The following VWA3B variants were observed in gnomAD, a reference collection of about 807,000 sequenced individuals.
The protein encoded by VWA3B is von Willebrand factor A domain-containing protein 3B.
In VWA3B, 138 loss-of-function variants were observed where a neutral mutation model predicts 158.3. That is an observed-to-expected ratio of 0.87 (90% confidence interval 0.76 to 1.00). The LOEUF (loss-of-function observed/expected upper bound fraction) is 1.00, where lower values mean the gene tolerates loss of function less well. Among genes scored for constraint, VWA3B ranks in the 50% least tolerant of loss-of-function variants. The pLI is 0.00. For missense variants in VWA3B, 1,555 were observed against 1,565.1 expected, an observed-to-expected ratio of 0.99 and a Z score of 0.11; for synonymous variants, 596 against 587.3, an observed-to-expected ratio of 1.01 and a Z score of -0.21.
downstream of VWA3B, among the ~76,000 whole-genome samples, chr2:98,316,218 A>C (rs1467034183): frequency 6.6e-6 from 1 of 152,242 alleles, no homozygotes; most frequent in Non-Finnish European, 1.5e-5. Context: ...AGCTAAAACA[A>C]GAAGGCAGTA....
chr2:98,191,768 A>G (rs1681593948), intron 10 of VWA3B, among the ~76,000 whole-genome samples: 1 of 152,136 alleles, frequency 6.6e-6, no homozygotes, highest in Non-Finnish European at 1.5e-5. Flanking sequence ...TTTAGCCAAA[A>G]TTTCGAGGAC....
chr2:98,207,251 C>A, intron 12 of VWA3B: 1 of 515,164 alleles, frequency 1.9e-6, no homozygotes, highest in Non-Finnish European at 3.9e-6. Flanking sequence ...GACTCGACTG[C>A]CTCTGCTACT....
At position 98,234,722 on chromosome 2, in the gene VWA3B, G is replaced by T. The variant is rs762513961; in HGVS notation, c.2383G>T (p.Gly795Cys). The T allele has an allele frequency of 5.0e-6, 8 of 1,614,196 alleles. No individual in the cohort carries two copies. The South Asian group carries it at 8.8e-5, about 18-fold the overall frequency. Residue 795 changes from glycine (G) to cysteine (C), a missense_variant, in exon 17 of 28, where the codon GGC becomes TGC. Coordinates refer to ENST00000477737, the MANE Select transcript of VWA3B (RefSeq NM_144992.5). Reference protein sequence around the residue: ...RSSACSERKDGLSNASSRRTA... With the variant: ...RSSACSERKDCLSNASSRRTA... ...CTCAGCTTGCAGTGAAAGGAAGGAT[G>T]GCCTCTCCAATGCCAGCAGCCGGAG...
chr2:98,282,742 A>G (rs1476756096), intron 22 of VWA3B, among the ~76,000 whole-genome samples: 1 of 152,190 alleles, frequency 6.6e-6, no homozygotes, highest in East Asian at 1.9e-4. Flanking sequence ...CACAGCCAAC[A>G]TGAATTACTT....
chr2:98,212,067 T>C (rs760766820), intron 13 of VWA3B, 39 bp downstream of exon 13: 1 of 1,583,586 alleles, frequency 6.3e-7, no homozygotes, highest in South Asian at 1.1e-5. Flanking sequence ...GCCTCACTGA[T>C]GCTCTGAAAG....
chr2:98,299,278 A>C (rs545028392), intron 24 of VWA3B, among the ~76,000 whole-genome samples: 1 of 151,854 alleles, frequency 6.6e-6, no homozygotes, highest in Admixed American at 6.5e-5. Context: ...AAGTTCCCTG[A>C]CTCCAGACCC....
At chr2:98,304,161 A>G (rs1690368594) in intron 26 of VWA3B, among the ~76,000 whole-genome samples, 1 of 152,060 alleles carries the variant, frequency 6.6e-6, no homozygotes, top group Admixed American at 6.5e-5. Flanking sequence ...GGTGGGAGCA[A>G]GGGGCTGGCC....
intron 7 of VWA3B, among the ~76,000 whole-genome samples, chr2:98,145,933 C>T (rs1246512380): frequency 2.0e-5 from 3 of 152,058 alleles, no homozygotes; most frequent in Non-Finnish European, 2.9e-5. Context: ...GGGGATCTCG[C>T]TATGTTTTCC....
chr2:98,263,601 G>T (rs909398619), intron 21 of VWA3B, among the ~76,000 whole-genome samples: 16 of 151,688 alleles, frequency 1.1e-4, no homozygotes, highest in African/African-American at 3.9e-4. Context: ...TTTTTTTCAT[G>T]GTGATTATCT....
At chr2:98,091,196 G>T (rs1682266095) in intron 1 of VWA3B, among the ~76,000 whole-genome samples, 1 of 152,174 alleles carries the variant, frequency 6.6e-6, no homozygotes, top group African/African-American at 2.4e-5. Flanking sequence ...CATAAGACCT[G>T]GCTGGAGGAG....
the VWA3B span, among the ~76,000 whole-genome samples, chr2:98,320,011 C>T: frequency 3.3e-5 from 5 of 152,196 alleles, no homozygotes; most frequent in African/African-American, 4.8e-5. Flanking sequence ...TTTAAGATCT[C>T]GATATGGTTT....
intron 22 of VWA3B, among the ~76,000 whole-genome samples, chr2:98,273,738 G>A (rs887042866): frequency 2.0e-5 from 3 of 152,174 alleles, no homozygotes; most frequent in Non-Finnish European, 2.9e-5. Context: ...TAATTTGAAC[G>A]AGGATGACAG....
chr2:98,124,493 C>T (rs1326327116), intron 5 of VWA3B, among the ~76,000 whole-genome samples: 1 of 152,094 alleles, frequency 6.6e-6, no homozygotes, highest in Non-Finnish European at 1.5e-5. Flanking sequence ...TAGATCAATA[C>T]CATGGGGACA....
intron 1 of VWA3B, among the ~76,000 whole-genome samples, chr2:98,092,544 G>C (rs1456163266): frequency 2.6e-5 from 4 of 152,024 alleles, no homozygotes; most frequent in African/African-American, 9.7e-5. Context: ...TCAGGAGGCT[G>C]AGGCAGCAGA....
rs1356351181 is a variant in VWA3B at position 98,181,063 on chromosome 2, T to C, written c.1162T>C (p.Trp388Arg). The C allele has an allele frequency of 6.2e-7, 1 of 1,614,226 alleles. No homozygotes were observed. The highest frequency in any genetic ancestry group is 1.1e-5 in the South Asian group (1 of 91,084). The stretch of plus-strand genomic sequence containing the variant: ...GATTGCATCGAATCCAGAAGACACC[T>C]GGGACTCTAAGACATGGCTGCAGAA... ...VEIASNPEDT[W>R]DSKTWLQKYG... The change falls in exon 9 of 28, where the codon TGG becomes CGG. Residue 388 changes from tryptophan (W) to arginine (R), a missense_variant. Trp to Arg is a moderately radical substitution (Grantham distance 101, BLOSUM62 -3). Coordinates refer to ENST00000477737, the MANE Select transcript of VWA3B (RefSeq NM_144992.5).
At position 98,217,920 on chromosome 2, in the gene VWA3B, T is replaced by C. The variant is rs1249653276; in HGVS notation, c.1911T>C (p.Asn637=). 4.3e-6 allele frequency: 7 copies of C among 1,613,412 alleles called. No homozygotes were observed. In the East Asian group the frequency reaches 1.6e-4, roughly 36 times the overall value. The change falls in exon 14 of 28, where the codon AAT becomes AAC. Residue 637 remains asparagine (N), a synonymous_variant. Transcript: ENST00000477737. ...IPIYTISFNY[N]DEIANRFLKE... ...TTTATACCATCTCCTTCAATTACAA[T>C]GATGAGATTGCAAACAGGTTTTTGA... is the stretch of plus-strand genomic sequence containing the variant.
At chr2:98,135,940 G>A (rs985761920) in intron 7 of VWA3B, among the ~76,000 whole-genome samples, 99 of 152,146 alleles carry the variant, frequency 6.5e-4, no homozygotes, top group Non-Finnish European at 2.1e-4. Flanking sequence ...GCCGTTTCAC[G>A]CATTTTCCAC....
intron 5 of VWA3B, among the ~76,000 whole-genome samples, chr2:98,124,749 G>C (rs1675225520): frequency 6.6e-6 from 1 of 152,170 alleles, no homozygotes. Flanking sequence ...GAGAGCACAG[G>C]CTCTGGCCAG....
chr2:98,110,290 A>G (rs1674039772), intron 2 of VWA3B, among the ~76,000 whole-genome samples: 1 of 151,666 alleles, frequency 6.6e-6, no homozygotes, highest in South Asian at 2.1e-4. Flanking sequence ...TCATTTTGCT[A>G]TTGAGTTCAT....
Sources: gnomAD v4.1 joint callset for allele counts (sites outside exome capture counted in the v4.1 genomes callset) on GRCh38, gnomAD v4.1.1 for gene constraint, MANE v1.5 for transcripts, NCBI Gene and HGNC (gene_info 2026-07-23, HGNC 2026-07-21) for gene names.